The following ARHGAP21 variants were observed in gnomAD, a reference collection of about 807,000 sequenced individuals.
The protein encoded by ARHGAP21 is Rho GTPase activating protein 21, also known as rho GTPase-activating protein 21.
A neutral mutation model predicts 164.6 loss-of-function variants in ARHGAP21; 38 were observed. That is an observed-to-expected ratio of 0.23 (90% CI 0.18 to 0.30). ARHGAP21 has a LOEUF of 0.30. ARHGAP21 is among the 10% of genes least tolerant of loss of function. The pLI is 1.00. For synonymous variants in ARHGAP21, 766 were observed against 857.9 expected (o/e 0.89, Z 1.87); for missense variants, 1,822 against 2,370.7 (o/e 0.77, Z 4.81).
chr10:24,687,298 G>C (rs1441786263), intron 2 of ARHGAP21, among the ~76,000 whole-genome samples: 1 of 152,144 alleles, frequency 6.6e-6, no homozygotes, highest in South Asian at 2.1e-4. Context: ...CTGACAAGAT[G>C]CCCAAGTCTT....
chr10:24,606,916 T>C (rs957760094), intron 11 of ARHGAP21, among the ~76,000 whole-genome samples: 3 of 152,222 alleles, frequency 2.0e-5, no homozygotes, highest in Non-Finnish European at 2.9e-5. Flanking sequence ...ATTATATTTA[T>C]TCACATGTGC....
At chr10:24,702,125 TTC>T (rs1235139337) in intron 2 of ARHGAP21, among the ~76,000 whole-genome samples, 2 of 91,388 alleles carry the variant, frequency 2.2e-5, no homozygotes, top group Non-Finnish European at 4.4e-5. Context: ...ATACTTCCGG[TTC>T]TTTTTTTTTT....
chr10:24,586,017 C>T lies in ARHGAP21; in HGVS notation c.4272G>A (p.Pro1424=), dbSNP rs771394963. ...AGCTGCTAGGCTGTGCTTTTTCTTT[C>T]GGCTTCTTCCTCTTGCGACTAGCAG... is the stretch of plus-strand genomic sequence containing the variant. The part of the protein sequence containing the change: ...FAAASRKRKK[P]KEKAQPSSSE... The change falls in exon 26 of 26, where the codon CCG becomes CCA. Residue 1424 remains proline (P), a synonymous_variant. Transcript: ENST00000396432. The T allele has an allele frequency of 1.2e-5, 19 of 1,613,932 alleles. No homozygotes were observed. Among genetic ancestry groups the T allele is most frequent in the African/African-American group, 1.3e-5 (1 of 74,874 alleles).
chr10:24,632,360 G>A (rs1029637480), intron 6 of ARHGAP21, among the ~76,000 whole-genome samples: 1 of 152,022 alleles, frequency 6.6e-6, no homozygotes, highest in African/African-American at 2.4e-5. Context: ...ATTATTTTGA[G>A]GAAAAAAATT....
intron 6 of ARHGAP21, among the ~76,000 whole-genome samples, chr10:24,632,002 T>C (rs537602418): frequency 1.3e-5 from 2 of 152,342 alleles, no homozygotes; most frequent in South Asian, 2.1e-4. Context: ...ATTACAGGCA[T>C]GAGCCACTGC....
rs147121257 is a variant in ARHGAP21, at chr10:24,661,266, C to T, written c.268+5719G>A. On this transcript the variant is annotated intron_variant, in intron 4 of 25. Transcript: ENST00000396432. Reference sequence around the variant, plus strand: ...CACCAAAAATATTATTTTACTTAACCTTTTTCTTATAAAAAATCTGCATCA... The same window carrying T: ...CACCAAAAATATTATTTTACTTAACTTTTTTCTTATAAAAAATCTGCATCA... 1.5e-3 allele frequency among the ~76,000 whole-genome samples: 231 copies of T among 151,388 alleles called. 5 individuals are homozygous for T. In the East Asian group the frequency reaches 0.038, roughly 25 times the overall value.
chr10:24,695,462 C>CG (rs1843098178), intron 2 of ARHGAP21, among the ~76,000 whole-genome samples: 1 of 151,012 alleles, frequency 6.6e-6, no homozygotes, highest in Admixed American at 6.6e-5. Flanking sequence ...CCAGCTACTC[C>CG]GGAGGCTGAG....
chr10:24,625,050 TG>T (rs57313842), intron 7 of ARHGAP21, among the ~76,000 whole-genome samples: 118 of 780 alleles, frequency 0.15, 40 homozygotes, highest in African/African-American at 0.42. Context: ...CTCTAAAAAG[TG>T]GGGGGGGGGG....
At chr10:24,688,814 G>C (rs912504654) in intron 2 of ARHGAP21, among the ~76,000 whole-genome samples, 17 of 152,200 alleles carry the variant, frequency 1.1e-4, no homozygotes, top group African/African-American at 4.1e-4. Flanking sequence ...AAGAAAGATG[G>C]AAGCTTAAAG....
chr10:24,696,300 G>A (rs1333773756), intron 2 of ARHGAP21, among the ~76,000 whole-genome samples: 1 of 152,198 alleles, frequency 6.6e-6, no homozygotes, highest in Non-Finnish European at 1.5e-5. Flanking sequence ...GGCCCAGAGA[G>A]ACAGAAAGCT....
At chr10:24,628,886 T>TATATACATACATATATACAC (rs1565053665) in intron 7 of ARHGAP21, 1 of 101,156 alleles carries the variant, frequency 9.9e-6, no homozygotes, top group African/African-American at 4.0e-5. Context: ...TATATACACA[T>TATATACATACATATATACAC]ATATATACAT....
intron 4 of ARHGAP21, among the ~76,000 whole-genome samples, chr10:24,664,578 A>G (rs950355958): frequency 1.3e-5 from 2 of 151,300 alleles, no homozygotes; most frequent in Non-Finnish European, 2.9e-5. Flanking sequence ...AATAATAATA[A>G]TAATAATAAT....
Position 24,621,143 on chromosome 10 carries a change from G to A in ARHGAP21, c.752C>T (p.Pro251Leu), listed in dbSNP as rs773998384. 10 of 1,613,230 alleles carry A rather than the reference G, an allele frequency of 6.2e-6. No individual in the cohort carries two copies. Among genetic ancestry groups the A allele is most frequent in the Admixed American group, 3.3e-5 (2 of 59,998 alleles). ...TTTTGCAACATCTGTTGGTGATGGA[G>A]GCACTTGTATTTCCATTCTATAGGC... ...GRAYRMEIQV[P>L]PSPTDVAKSN... is the part of the protein sequence containing the mutation. The change falls in exon 9 of 26, where the codon CCT (proline) becomes CTT (leucine). Residue 251 changes from proline to leucine, a missense_variant. This residue lies in a region of ARHGAP21 where 1,090 missense variants were observed against 1,378.9 expected (regional missense o/e 0.79). Transcript: ENST00000396432.
intron 14 of ARHGAP21, among the ~76,000 whole-genome samples, chr10:24,599,401 C>A (rs2076717352): frequency 6.6e-6 from 1 of 152,142 alleles, no homozygotes; most frequent in South Asian, 2.1e-4. Flanking sequence ...ACATAGGTTG[C>A]ACTGATAAAG....
chr10:24,703,917 T>C (rs1565191326), intron 2 of ARHGAP21, among the ~76,000 whole-genome samples: 3 of 152,214 alleles, frequency 2.0e-5, no homozygotes, highest in Admixed American at 6.5e-5. Flanking sequence ...CCACATCTGG[T>C]CAGCAGATGT....
chr10:24,714,785 A>G (rs1845193496), intron 2 of ARHGAP21, among the ~76,000 whole-genome samples: 1 of 152,196 alleles, frequency 6.6e-6, no homozygotes, highest in South Asian at 2.1e-4. Context: ...CTGTAATCCT[A>G]GCACTTTGGG....
chr10:24,718,379 G>C (rs1593396148), intron 2 of ARHGAP21, among the ~76,000 whole-genome samples: 1 of 152,316 alleles, frequency 6.6e-6, no homozygotes, highest in East Asian at 1.9e-4. Flanking sequence ...GCCTGAGATA[G>C]AGGGGTAGAT....
chr10:24,708,438 T>G (rs997500933), intron 2 of ARHGAP21, among the ~76,000 whole-genome samples: 8 of 152,252 alleles, frequency 5.3e-5, no homozygotes, highest in Admixed American at 3.9e-4. Context: ...ATTATTATTA[T>G]TTGTACAAAT....
intron 2 of ARHGAP21, among the ~76,000 whole-genome samples, chr10:24,703,773 C>T (rs895101920): frequency 1.3e-5 from 2 of 152,112 alleles, no homozygotes. Context: ...TCTTTCCGAC[C>T]TATACCATAA....
Sources: allele counts gnomAD v4.1 joint callset (sites outside exome capture counted in the v4.1 genomes callset), GRCh38; gene constraint gnomAD v4.1.1; regional missense constraint gnomAD v4.1.1; transcripts MANE v1.5; gene names NCBI Gene and HGNC (gene_info 2026-07-23, HGNC 2026-07-21).